Variants in KCTD7 observed in about 807,000 individuals in gnomAD.
KCTD7 encodes potassium channel tetramerization domain containing 7.
KCTD7 carries 15 observed loss-of-function variants against 27.0 expected under a neutral mutation model. The ratio of observed to expected loss-of-function variants is 0.56; its 90% CI spans 0.37 to 0.86. KCTD7 has a LOEUF of 0.86. Ranked by LOEUF, KCTD7 falls within the 40% of genes least tolerant of loss-of-function variation. KCTD7 has a pLI of 0.00. For synonymous variants in KCTD7, 159 were observed against 162.7 expected (o/e 0.98, Z 0.17); for missense variants, 299 against 398.9 (o/e 0.75, Z 2.13).
chr7:66,642,873 C>T lies in KCTD7; in HGVS notation c.*3641C>T, dbSNP rs897584417. On this transcript the variant is annotated 3_prime_UTR_variant, in exon 4 of 4. Coordinates refer to ENST00000639828, the MANE Select transcript of KCTD7 (RefSeq NM_153033.5). ...TGGGAACAAACAGTGAGTATGGGAA[C>T]AGGCAGTCACCTCGAGTGTGGGAGG... 2 of 985,412 alleles carry T rather than the reference C, an allele frequency of 2.0e-6. No homozygotes were observed. Among genetic ancestry groups the T allele is most frequent in the Non-Finnish European group, 1.2e-6 (1 of 830,092 alleles). The allele number at this position is 985,412 out of a possible 1,614,324, so 61.0% of individuals were successfully genotyped here. A position where few individuals can be genotyped will look rare whatever the true frequency, so the allele number is the denominator to read the frequency against.
intron 1 of KCTD7, among the ~76,000 whole-genome samples, chr7:66,629,980 C>G (rs182554899): frequency 2.0e-5 from 3 of 152,228 alleles, no homozygotes; most frequent in East Asian, 3.9e-4. Context: ...ACTCAAGAGA[C>G]GGGAGAAGAT....
At position 66,633,270 on chromosome 7, in the gene KCTD7, T is replaced by G. The variant is rs770973872; in HGVS notation, c.145-5T>G. ...TGCCTGAGAGCCCTGGTGATTTCTT[T>G]CCAGTTTCCTGAGGTTGTTCCCCTT... On this transcript the variant is annotated splice_region_variant and splice_polypyrimidine_tract_variant and intron_variant, in intron 1 of 3. Coordinates refer to ENST00000639828, the MANE Select transcript of KCTD7 (RefSeq NM_153033.5). The G allele has an allele frequency of 4.3e-6, 7 of 1,613,692 alleles. No individual in the cohort carries two copies. The highest frequency in any genetic ancestry group is 8.5e-7 in the Non-Finnish European group (1 of 1,179,854).
intron 2 of KCTD7, among the ~76,000 whole-genome samples, chr7:66,635,964 T>C (rs530995656): frequency 5.4e-3 from 815 of 152,132 alleles, no homozygotes; most frequent in Middle Eastern, 0.014. Context: ...GGGTTTGACT[T>C]GAGGTGGATG....
chr7:66,631,684 A>C (rs938215612), intron 1 of KCTD7, among the ~76,000 whole-genome samples: 1 of 152,002 alleles, frequency 6.6e-6, no homozygotes, highest in Non-Finnish European at 1.5e-5. Context: ...GTTTGGTAGA[A>C]ACCACAAGCA....
chr7:66,635,454 C>T (rs1296549327), intron 2 of KCTD7, among the ~76,000 whole-genome samples: 4 of 152,156 alleles, frequency 2.6e-5, no homozygotes, highest in Non-Finnish European at 4.4e-5. Flanking sequence ...ATTATAGCTG[C>T]TGCACAGGCT....
intron 2 of KCTD7, 49 bp from the exon 3 acceptor site, chr7:66,638,204 C>T: frequency 6.3e-7 from 1 of 1,596,114 alleles, no homozygotes; most frequent in Non-Finnish European, 8.6e-7. Flanking sequence ...TGTGGCACTG[C>T]CCAGGAGCAT....
Position 66,639,639 on chromosome 7 carries a change from C to T in KCTD7, c.*407C>T. On this transcript the variant is annotated 3_prime_UTR_variant, in exon 4 of 4. Transcript: ENST00000639828. ...CTTCCTCAACCCTGTTCAAGCGTCC[C>T]TCCCTTGTGCTCAGTATATTGGTGT... 7.5e-7 allele frequency: 1 copy of T among 1,341,060 alleles called. No homozygotes were observed. The highest frequency in any genetic ancestry group is 3.0e-5 in the East Asian group (1 of 33,702). The allele number at this position is 1,341,060 out of a possible 1,614,324, so 83.1% of individuals were successfully genotyped here. A position where few individuals can be genotyped will look rare whatever the true frequency, so the allele number is the denominator to read the frequency against.
Position 66,642,653 on chromosome 7 carries a change from T to C in KCTD7, c.*3421T>C, listed in dbSNP as rs1584401827. The C allele has an allele frequency of 1.0e-6, 1 of 985,438 alleles. No homozygotes were observed. Among genetic ancestry groups the C allele is most frequent in the African/African-American group, 1.7e-5 (1 of 57,370 alleles). The allele number at this position is 985,438 out of a possible 1,614,324, so 61.0% of individuals were successfully genotyped here. ...ATATACATTATTAAGCTTTCTTGGG[T>C]ACTATTTTGCTGGGGCTCTTGCGTG... is the stretch of plus-strand genomic sequence containing the variant. On this transcript the variant is annotated 3_prime_UTR_variant, in exon 4 of 4. Coordinates refer to ENST00000639828, the MANE Select transcript of KCTD7 (RefSeq NM_153033.5).
In KCTD7 at chr7:66,633,379, G is replaced by T; in HGVS notation, c.249G>T (p.Gly83=). 6.2e-7 allele frequency: 1 copy of T among 1,614,056 alleles called. No homozygotes were observed. The highest frequency in any genetic ancestry group is 1.3e-5 in the African/African-American group (1 of 75,024). Residue 83 remains glycine, a synonymous_variant, in exon 2 of 4, where the codon GGG becomes GGT. Transcript: ENST00000639828. ...EDTMLAAMFS[G]RHYIPTDSEG... Reference sequence around the variant, plus strand: ...CCATGTTGGCAGCCATGTTCAGTGGGCGGCACTACATCCCCACGGACTCCG... The same window carrying T: ...CCATGTTGGCAGCCATGTTCAGTGGTCGGCACTACATCCCCACGGACTCCG...
intron 1 of KCTD7, among the ~76,000 whole-genome samples, chr7:66,630,047 GGATTGCTT>G (rs1240186579): frequency 6.6e-6 from 1 of 152,210 alleles, no homozygotes; most frequent in Non-Finnish European, 1.5e-5. Context: ...TGAGGTGGGA[GGATTGCTT>G]GATCCCAGCA....
chr7:66,635,702 A>G (rs918595272), intron 2 of KCTD7, among the ~76,000 whole-genome samples: 2 of 147,564 alleles, frequency 1.4e-5, no homozygotes, highest in African/African-American at 5.1e-5. Context: ...CCCTGGTCAA[A>G]TAACTTGCTT....
chr7:66,642,925 G>A lies in KCTD7; in HGVS notation c.*3693G>A. The A allele has an allele frequency of 2.0e-6, 2 of 985,460 alleles. No individual in the cohort carries two copies. The highest frequency in any genetic ancestry group is 2.4e-6 in the Non-Finnish European group (2 of 830,004). 61.0% of individuals were successfully genotyped at this position (985,460 alleles called of 1,614,324 possible). A position where few individuals can be genotyped will look rare whatever the true frequency, so the allele number is the denominator to read the frequency against. On this transcript the variant is annotated 3_prime_UTR_variant, in exon 4 of 4. Transcript: ENST00000639828. ...CACCTGGGTCCGTCGTCTTCCTTCT[G>A]TATGGTGTTGGGTTTATGTACACAC... is the stretch of plus-strand genomic sequence containing the variant.
In KCTD7 at chr7:66,642,335, GTTC is replaced by G; in HGVS notation, c.*3109_*3111del. ...AGTCAGCTGTACTCTGGAAGTTTCTGTTCTTCTTTCCTGGGGCTTAGGATATTC... is the reference window on the plus strand; with the variant it reads ...AGTCAGCTGTACTCTGGAAGTTTCTGTTCTTTCCTGGGGCTTAGGATATTC... On this transcript the variant is annotated 3_prime_UTR_variant, in exon 4 of 4. Transcript: ENST00000639828. 2.0e-6 allele frequency: 2 copies of G among 985,436 alleles called. No individual in the cohort carries two copies. The highest frequency in any genetic ancestry group is 2.4e-6 in the Non-Finnish European group (2 of 829,950). 61.0% of individuals were successfully genotyped at this position (985,436 alleles called of 1,614,324 possible).
At position 66,640,023 on chromosome 7, in the gene KCTD7, C is replaced by T; in HGVS notation, c.*791C>T. 1 of 1,255,812 alleles carries T rather than the reference C, an allele frequency of 8.0e-7. No homozygotes were observed. The highest frequency in any genetic ancestry group is 1.0e-6 in the Non-Finnish European group (1 of 1,003,348). The allele number at this position is 1,255,812 out of a possible 1,614,324, so 77.8% of individuals were successfully genotyped here. A position where few individuals can be genotyped will look rare whatever the true frequency, so the allele number is the denominator to read the frequency against. ...GGCTTCTTTTGAAGATTCCCCAAGT[C>T]AAGCAGGCAAGATGCCTAGATCTTC... On this transcript the variant is annotated 3_prime_UTR_variant, in exon 4 of 4. Coordinates refer to ENST00000639828, the MANE Select transcript of KCTD7 (RefSeq NM_153033.5).
intron 2 of KCTD7, among the ~76,000 whole-genome samples, chr7:66,636,219 G>T (rs71261622): frequency 6.6e-6 from 1 of 151,458 alleles, no homozygotes; most frequent in African/African-American, 2.4e-5. Context: ...TTGGGCCTCA[G>T]TCTGGGGTCG....
chr7:66,640,022 T>C lies in KCTD7; in HGVS notation c.*790T>C. ...AGGCTTCTTTTGAAGATTCCCCAAG[T>C]CAAGCAGGCAAGATGCCTAGATCTT... On this transcript the variant is annotated 3_prime_UTR_variant, in exon 4 of 4. Coordinates refer to ENST00000639828, the MANE Select transcript of KCTD7 (RefSeq NM_153033.5). 2 of 1,256,024 alleles carry C rather than the reference T, an allele frequency of 1.6e-6. No homozygotes were observed. The highest frequency in any genetic ancestry group is 2.0e-6 in the Non-Finnish European group (2 of 1,003,514). The allele number at this position is 1,256,024 out of a possible 1,614,324, so 77.8% of individuals were successfully genotyped here.
chr7:66,642,281 G>A lies in KCTD7; in HGVS notation c.*3049G>A. ...TATTTTACCTCTGCCTTGTTCACCA[G>A]GCTGCCCAGTGCTTACCATGCAGAA... On this transcript the variant is annotated 3_prime_UTR_variant, in exon 4 of 4. Transcript: ENST00000639828. 2.0e-6 allele frequency: 2 copies of A among 985,442 alleles called. No homozygotes were observed. The highest frequency in any genetic ancestry group is 2.4e-6 in the Non-Finnish European group (2 of 829,932). The allele number at this position is 985,442 out of a possible 1,614,324, so 61.0% of individuals were successfully genotyped here.
Position 66,642,472 on chromosome 7 carries a change from G to A in KCTD7, c.*3240G>A, listed in dbSNP as rs1786742726. 2.0e-6 allele frequency: 2 copies of A among 985,466 alleles called. No individual in the cohort carries two copies. Among genetic ancestry groups the A allele is most frequent in the Non-Finnish European group, 2.4e-6 (2 of 829,948 alleles). 61.0% of individuals were successfully genotyped at this position (985,466 alleles called of 1,614,324 possible). Reference sequence around the variant, plus strand: ...GTGACATTTATAAGACACAGGCGGTGTGAGCATCCATGTGTGGTCTTGGTC... The same window carrying A: ...GTGACATTTATAAGACACAGGCGGTATGAGCATCCATGTGTGGTCTTGGTC... On this transcript the variant is annotated 3_prime_UTR_variant, in exon 4 of 4. Transcript: ENST00000639828.
At chr7:66,632,293 C>A (rs1444815858) in intron 1 of KCTD7, among the ~76,000 whole-genome samples, 1 of 151,788 alleles carries the variant, frequency 6.6e-6, no homozygotes, top group African/African-American at 2.4e-5. Flanking sequence ...CGAGACAATC[C>A]TGGCTAACAC....
Sources: allele counts gnomAD v4.1 joint callset (sites outside exome capture counted in the v4.1 genomes callset), GRCh38; gene constraint gnomAD v4.1.1; transcripts MANE v1.5; gene names NCBI Gene and HGNC (gene_info 2026-07-23, HGNC 2026-07-21).